Variants in CUEDC1 observed in about 807,000 individuals in gnomAD.
CUEDC1 encodes the protein CUE domain containing 1, also known as CUE domain-containing protein 1.
In CUEDC1, 30 loss-of-function variants were observed where a neutral mutation model predicts 43.7. That is an observed-to-expected ratio of 0.69 (90% CI 0.51 to 0.93). CUEDC1 has a LOEUF of 0.93. CUEDC1 is among the 40% of genes least tolerant of loss of function. The pLI is 0.00. For synonymous variants in CUEDC1, 223 were observed against 223.6 expected (o/e 1.00, Z 0.02); for missense variants, 486 against 549.0 (o/e 0.89, Z 1.15).
At chr17:57,864,979 C>T (rs1268663133) in intron 10 of CUEDC1, among the ~76,000 whole-genome samples, 6 of 152,162 alleles carry the variant, frequency 3.9e-5, no homozygotes, top group Non-Finnish European at 7.4e-5. Context: ...ATCGCTTGAA[C>T]CTGAGAGGTG....
intron 1 of CUEDC1, among the ~76,000 whole-genome samples, chr17:57,928,250 A>G (rs2074767444): frequency 1.3e-5 from 2 of 152,190 alleles, no homozygotes; most frequent in African/African-American, 2.4e-5. Context: ...ACCGGAAAAA[A>G]GCTTAAGAAC....
At chr17:57,916,510 G>A (rs766821817) in intron 1 of CUEDC1, among the ~76,000 whole-genome samples, 12 of 152,222 alleles carry the variant, frequency 7.9e-5, no homozygotes, top group South Asian at 6.2e-4. Flanking sequence ...GAGATGCGAC[G>A]GGGAAGCAAA....
chr17:57,902,325 T>C lies in CUEDC1; in HGVS notation c.-315-16446A>G, dbSNP rs73314254. ...CCTGGGCAACAGAGCGAGACCTCCA[T>C]CTCAAAAAGAGAAACGATGATACAT... On this transcript the variant is annotated intron_variant, in intron 1 of 10. Coordinates refer to ENST00000577830, the MANE Select transcript of CUEDC1 (RefSeq NM_001271875.2). 5.5e-3 allele frequency among the ~76,000 whole-genome samples: 835 copies of C among 152,280 alleles called. 7 individuals carry two copies. The highest frequency in any genetic ancestry group is 0.019 in the African/African-American group (797 of 41,548).
intron 1 of CUEDC1, among the ~76,000 whole-genome samples, chr17:57,928,791 CAG>C (rs534697891): frequency 7.8e-6 from 1 of 128,184 alleles, no homozygotes; most frequent in East Asian, 2.3e-4. Flanking sequence ...AGACAGTATC[CAG>C]GATATAAACT....
chr17:57,937,898 C>A (rs1015997175), intron 1 of CUEDC1, among the ~76,000 whole-genome samples: 1 of 152,022 alleles, frequency 6.6e-6, no homozygotes, highest in Non-Finnish European at 1.5e-5. Flanking sequence ...CAGAGAGAGA[C>A]CTAGTCTCAA....
At chr17:57,880,045 G>C (rs2074182645) in intron 2 of CUEDC1, among the ~76,000 whole-genome samples, 1 of 152,222 alleles carries the variant, frequency 6.6e-6, no homozygotes, top group Non-Finnish European at 1.5e-5. Context: ...CAAATACACA[G>C]TGGTAAGGGT....
intron 1 of CUEDC1, among the ~76,000 whole-genome samples, chr17:57,927,148 C>G (rs571199866): frequency 6.6e-6 from 1 of 152,250 alleles, no homozygotes; most frequent in African/African-American, 2.4e-5. Context: ...TCTCACCGAG[C>G]GGCTGGGACA....
At chr17:57,881,883 G>A (rs543634324) in intron 2 of CUEDC1, among the ~76,000 whole-genome samples, 1 of 152,268 alleles carries the variant, frequency 6.6e-6, no homozygotes, top group South Asian at 2.1e-4. Context: ...GAGAAGACAG[G>A]CGGCCGGCCA....
chr17:57,885,052 G>A (rs1237955046), intron 2 of CUEDC1, among the ~76,000 whole-genome samples, 177 bp downstream of exon 2: 3 of 152,272 alleles, frequency 2.0e-5, no homozygotes, highest in Non-Finnish European at 4.4e-5. Context: ...GTGACTGACG[G>A]ATGGTACTTT....
chr17:57,899,595 C>T (rs2074449905), intron 1 of CUEDC1, among the ~76,000 whole-genome samples: 3 of 152,208 alleles, frequency 2.0e-5, no homozygotes, highest in Admixed American at 6.5e-5. Flanking sequence ...CAGCACACAG[C>T]TCACATGCCT....
intron 1 of CUEDC1, among the ~76,000 whole-genome samples, chr17:57,935,345 A>G (rs76593926): frequency 7.0e-6 from 1 of 141,854 alleles, no homozygotes; most frequent in South Asian, 2.3e-4. Context: ...CGTGACAGTG[A>G]TTTTTTTTTT....
At chr17:57,888,539 G>A (rs1482194113) in intron 1 of CUEDC1, among the ~76,000 whole-genome samples, 1 of 152,214 alleles carries the variant, frequency 6.6e-6, no homozygotes, top group Non-Finnish European at 1.5e-5. Flanking sequence ...ACATAGGAAG[G>A]TAGCCAAGTA....
intron 8 of CUEDC1, 43 bp from the exon 9 acceptor site, chr17:57,867,458 A>C (rs1029073928): frequency 6.8e-5 from 103 of 1,518,488 alleles, no homozygotes; most frequent in Non-Finnish European, 8.9e-5. Flanking sequence ...ATGAGGGGAC[A>C]CTGCCCTAGT....
chr17:57,866,366 G>A (rs977278330), intron 10 of CUEDC1, 108 bp downstream of exon 10: 5 of 967,016 alleles, frequency 5.2e-6, no homozygotes, highest in Non-Finnish European at 8.0e-6. Context: ...GTGCTACCCA[G>A]TTGCCTGAGC....
chr17:57,905,153 T>C (rs1452042115), intron 1 of CUEDC1, among the ~76,000 whole-genome samples: 1 of 151,906 alleles, frequency 6.6e-6, no homozygotes, highest in Non-Finnish European at 1.5e-5. Flanking sequence ...GGGGGCTGCA[T>C]GCCTCGAGGG....
chr17:57,867,190 A>C, intron 9 of CUEDC1, 167 bp downstream of exon 9: 1 of 659,858 alleles, frequency 1.5e-6, no homozygotes, highest in Non-Finnish European at 2.7e-6. Context: ...GGGGGAAGCA[A>C]TGTCGACCAA....
At chr17:57,935,400 C>CACAA (rs1230740412) in intron 1 of CUEDC1, among the ~76,000 whole-genome samples, 39 of 146,630 alleles carry the variant, frequency 2.7e-4, no homozygotes, top group African/African-American at 5.2e-4. Flanking sequence ...CACACACACA[C>CACAA]ACACAAACAC....
intron 1 of CUEDC1, among the ~76,000 whole-genome samples, chr17:57,938,380 C>T (rs2074881804): frequency 2.0e-5 from 3 of 152,218 alleles, no homozygotes; most frequent in Admixed American, 6.5e-5. Context: ...TCCCTCCCAT[C>T]CCTGCTCCAT....
intron 1 of CUEDC1, among the ~76,000 whole-genome samples, chr17:57,938,514 G>C (rs920511244): frequency 1.3e-5 from 2 of 152,104 alleles, no homozygotes; most frequent in African/African-American, 2.4e-5. Flanking sequence ...GAGAGAGCTG[G>C]CAGCACCATA....
Sources: allele counts gnomAD v4.1 joint callset (sites outside exome capture counted in the v4.1 genomes callset), GRCh38; gene constraint gnomAD v4.1.1; transcripts MANE v1.5; gene names NCBI Gene and HGNC (gene_info 2026-07-23, HGNC 2026-07-21).